BARD1: variants seen among roughly 807,000 people sequenced by gnomAD.
The protein encoded by BARD1 is BRCA1 associated RING domain 1.
Under a neutral mutation model 77.0 loss-of-function variants are expected in BARD1, and 73 were observed. That is an observed-to-expected ratio of 0.95 (90% CI 0.79 to 1.15). BARD1 has a LOEUF of 1.15. Ranked by LOEUF, BARD1 falls within the 50% of genes most tolerant of loss-of-function variation. The pLI is 0.00. For synonymous variants in BARD1, 384 were observed against 338.0 expected, an observed-to-expected ratio of 1.14 and a Z score of -1.49; for missense variants, 993 against 938.8, an observed-to-expected ratio of 1.06 and a Z score of -0.75.
At chr2:214,771,802 T>G (rs868829103) in intron 4 of BARD1, among the ~76,000 whole-genome samples, 3 of 152,162 alleles carry the variant, frequency 2.0e-5, no homozygotes, top group African/African-American at 4.8e-5. Flanking sequence ...AATCTTCAGT[T>G]TTCTAAAAAA....
intron 6 of BARD1, among the ~76,000 whole-genome samples, chr2:214,761,400 T>C (rs963585522): frequency 6.6e-6 from 1 of 152,106 alleles, no homozygotes; most frequent in Non-Finnish European, 1.5e-5. Context: ...CTCTAACTTA[T>C]AATCATAAAT....
chr2:214,737,045 G>C (rs1197082492), intron 9 of BARD1, among the ~76,000 whole-genome samples: 1 of 152,080 alleles, frequency 6.6e-6, no homozygotes, highest in South Asian at 2.1e-4. Flanking sequence ...TTTTGTTAAA[G>C]TTGCTGTTAT....
At chr2:214,797,027 G>A in intron 2 of BARD1, 34 bp downstream of exon 2, 1 of 1,507,274 alleles carries the variant, frequency 6.6e-7, no homozygotes. Context: ...AAAAAATACA[G>A]TTGTACTATA....
chr2:214,753,656 G>C (rs557962112), intron 6 of BARD1, among the ~76,000 whole-genome samples: 8 of 152,262 alleles, frequency 5.3e-5, no homozygotes, highest in South Asian at 2.1e-4. Flanking sequence ...GCTGCAGAGA[G>C]AGATCATGTA....
At chr2:214,796,774 A>C (rs925096217) in intron 2 of BARD1, 6 of 359,214 alleles carry the variant, frequency 1.7e-5, no homozygotes, top group Non-Finnish European at 3.0e-5. Context: ...AAATTTAAAA[A>C]CATCTATTTG....
At chr2:214,767,203 AT>A (rs940779251) in intron 6 of BARD1, among the ~76,000 whole-genome samples, 49 of 152,146 alleles carry the variant, frequency 3.2e-4, no homozygotes, top group African/African-American at 9.2e-4. Flanking sequence ...TATGTAACAC[AT>A]TTTTTTTATC....
Position 214,767,711 on chromosome 2 carries a change from A to G in BARD1, c.1396-57T>C. On this transcript the variant is annotated intron_variant, in intron 5 of 10. Transcript: ENST00000260947. ...AAGTGATAAGAAAGAGCAATGGATG[A>G]TATTATAATATCACACTTTAGAAAA... is the stretch of plus-strand genomic sequence containing the variant. 4 of 1,457,020 alleles carry G rather than the reference A, an allele frequency of 2.7e-6. No homozygotes were observed. In the East Asian group the frequency reaches 6.9e-5, roughly 25 times the overall value. The allele number at this position is 1,457,020 out of a possible 1,614,324, so 90.3% of individuals were successfully genotyped here. A position where few individuals can be genotyped will look rare whatever the true frequency, so the allele number is the denominator to read the frequency against.
rs1060501305 is a variant in BARD1 at position 214,809,442 on chromosome 2, C to A, written c.128G>T (p.Arg43Leu). The A allele has an allele frequency of 1.9e-6, 3 of 1,611,866 alleles. No homozygotes were observed. Among genetic ancestry groups the A allele is most frequent in the South Asian group, 2.2e-5 (2 of 90,964 alleles). Reference sequence around the variant, plus strand: ...CGAGCAGCGCAGCAGCTTCTCCAGGCGGTCGAGCGCGGCGCGACTGTGGGC... The same window carrying A: ...CGAGCAGCGCAGCAGCTTCTCCAGGAGGTCGAGCGCGGCGCGACTGTGGGC... ...AWAHSRAALDRLEKLLRCSRC... is the reference protein window; with the variant it reads ...AWAHSRAALDLLEKLLRCSRC... Residue 43 changes from arginine (R) to leucine (L), a missense_variant, in exon 1 of 11, where the codon CGC (arginine) becomes CTC (leucine). Coordinates refer to ENST00000260947, the MANE Select transcript of BARD1 (RefSeq NM_000465.4).
chr2:214,792,790 T>C (rs1049168405), intron 2 of BARD1, among the ~76,000 whole-genome samples: 3 of 152,134 alleles, frequency 2.0e-5, no homozygotes, highest in Non-Finnish European at 2.9e-5. Context: ...TATCTTAACA[T>C]TGCATGAAAA....
intron 3 of BARD1, among the ~76,000 whole-genome samples, chr2:214,784,293 C>T (rs780423076): frequency 6.6e-6 from 1 of 151,900 alleles, no homozygotes; most frequent in African/African-American, 2.4e-5. Flanking sequence ...TCATCATCAT[C>T]ATTAGACAAA....
At chr2:214,730,297 T>C (rs1692291385) in intron 10 of BARD1, 114 bp downstream of exon 10, 2 of 881,010 alleles carry the variant, frequency 2.3e-6, no homozygotes, top group Non-Finnish European at 3.7e-6. Flanking sequence ...ATAAGCACAA[T>C]TAAAATTTTA....
chr2:214,727,208 A>G lies in BARD1; in HGVS notation c.*1468T>C. Reference sequence around the variant, plus strand: ...TTTTGTTCATATATTTCTTGATATGAAAAAACAACATGTCAAAGAAAGAAT... The same window carrying G: ...TTTTGTTCATATATTTCTTGATATGGAAAAACAACATGTCAAAGAAAGAAT... On this transcript the variant is annotated 3_prime_UTR_variant, in exon 11 of 11. Transcript: ENST00000260947. The G allele has an allele frequency of 4.4e-6, 1 of 226,006 alleles. No homozygotes were observed. Among genetic ancestry groups the G allele is most frequent in the Non-Finnish European group, 8.8e-6 (1 of 113,526 alleles). The allele number at this position is 226,006 out of a possible 1,614,324, so 14.0% of individuals were successfully genotyped here. A position where few individuals can be genotyped will look rare whatever the true frequency, so the allele number is the denominator to read the frequency against.
At chr2:214,792,560 G>T (rs2106136318) in intron 2 of BARD1, 115 bp from the exon 3 acceptor site, 1 of 1,012,844 alleles carries the variant, frequency 9.9e-7, no homozygotes, top group Non-Finnish European at 1.4e-6. Context: ...ACATACAATG[G>T]TCAATTGTAA....
At chr2:214,737,091 G>C (rs577260217) in intron 9 of BARD1, among the ~76,000 whole-genome samples, 23 of 152,206 alleles carry the variant, frequency 1.5e-4, no homozygotes, top group Admixed American at 4.6e-4. Context: ...TCAAAGCTGG[G>C]AGTGACAACT....
chr2:214,741,647 A>G (rs909181376), intron 9 of BARD1, among the ~76,000 whole-genome samples: 1 of 152,156 alleles, frequency 6.6e-6, no homozygotes, highest in African/African-American at 2.4e-5. Flanking sequence ...TTTGATGTTG[A>G]AGGAGGGACT....
At chr2:214,798,303 C>T (rs1380133400) in intron 1 of BARD1, among the ~76,000 whole-genome samples, 2 of 152,124 alleles carry the variant, frequency 1.3e-5, no homozygotes, top group Non-Finnish European at 2.9e-5. Flanking sequence ...TTTAAAAACT[C>T]ACCATGTCTG....
At chr2:214,749,504 C>G (rs2888294) in intron 7 of BARD1, among the ~76,000 whole-genome samples, 74,332 of 151,930 alleles carry the variant, frequency 0.49, 18,351 homozygotes, top group East Asian at 0.57. Context: ...TAATAAAAAC[C>G]CTCCTTTTCT....
chr2:214,767,712 T>C (rs1392605960), intron 5 of BARD1, 58 bp from the exon 6 acceptor site: 19 of 1,458,440 alleles, frequency 1.3e-5, no homozygotes, highest in Non-Finnish European at 1.8e-5. Flanking sequence ...CAATGGATGA[T>C]ATTATAATAT....
At chr2:214,774,964 C>A (rs1444926840) in intron 4 of BARD1, among the ~76,000 whole-genome samples, 1 of 152,164 alleles carries the variant, frequency 6.6e-6, no homozygotes, top group African/African-American at 2.4e-5. Flanking sequence ...CTCTCTCAGT[C>A]TTCACAGAAT....
Sources: gnomAD v4.1 joint callset for allele counts (sites outside exome capture counted in the v4.1 genomes callset) on GRCh38, gnomAD v4.1.1 for gene constraint, MANE v1.5 for transcripts, NCBI Gene and HGNC (gene_info 2026-07-23, HGNC 2026-07-21) for gene names.